The following PCDHGB4 variants were observed in gnomAD, a reference collection of about 807,000 sequenced individuals.
PCDHGB4 encodes protocadherin gamma subfamily B, 4.
Under a neutral mutation model 60.5 loss-of-function variants are expected in PCDHGB4, and 38 were observed. The observed-to-expected ratio is 0.63, with a 90% CI of 0.48 to 0.82. The LOEUF is 0.82. Among genes scored for constraint, PCDHGB4 ranks in the 40% least tolerant of loss-of-function variants. The pLI is 0.00. For missense variants in PCDHGB4, 1,109 were observed against 1,209.6 expected (o/e 0.92, Z 1.23); for synonymous variants, 456 against 509.7 (o/e 0.89, Z 1.42).
chr5:141,399,735 T>A (rs909521642), intron 1 of PCDHGB4: 1 of 1,613,198 alleles, frequency 6.2e-7, no homozygotes, highest in African/African-American at 1.3e-5. Flanking sequence ...AGGGCTCGCC[T>A]GCGCTCAGCG....
chr5:141,455,055 G>T (rs1019622889), intron 1 of PCDHGB4, among the ~76,000 whole-genome samples: 1 of 151,602 alleles, frequency 6.6e-6, no homozygotes, highest in African/African-American at 2.4e-5. Flanking sequence ...CTCGTGATCC[G>T]CCCGCCTCGG....
chr5:141,505,249 G>T, intron 2 of PCDHGB4, 144 bp from the exon 3 acceptor site: 1 of 1,447,748 alleles, frequency 6.9e-7, no homozygotes, highest in Non-Finnish European at 9.2e-7. Flanking sequence ...GATTGTAGAA[G>T]TGCCTCCTAC....
At chr5:141,450,742 C>A (rs2098692216) in intron 1 of PCDHGB4, among the ~76,000 whole-genome samples, 1 of 152,118 alleles carries the variant, frequency 6.6e-6, no homozygotes, top group South Asian at 2.1e-4. Context: ...CCGCCTTGGC[C>A]TCCCAAAGTG....
At position 141,397,472 on chromosome 5, in the gene PCDHGB4, A is replaced by T. The variant is rs548612657; in HGVS notation, c.2397+7191A>T. 6.6e-4 allele frequency among the ~76,000 whole-genome samples: 100 copies of T among 152,362 alleles called. 1 individual carries two copies. Among genetic ancestry groups the T allele is most frequent in the African/African-American group, 2.4e-3 (99 of 41,586 alleles). ...AACACTAGAAATATTGGGGAGTTGG[A>T]AATCATAGAAATGAACAGAAGAATG... On this transcript the variant is annotated intron_variant, in intron 1 of 3. Coordinates refer to ENST00000519479, the MANE Select transcript of PCDHGB4 (RefSeq NM_003736.4).
Position 141,431,264 on chromosome 5 carries a change from A to T in PCDHGB4, c.2397+40983A>T. The T allele has an allele frequency of 6.2e-7, 1 of 1,614,170 alleles. No individual in the cohort carries two copies. On this transcript the variant is annotated intron_variant, in intron 1 of 3. Coordinates refer to ENST00000519479, the MANE Select transcript of PCDHGB4 (RefSeq NM_003736.4). This position sits in a 1 kb window ranked among gnomAD's most constrained non-coding sequence, Gnocchi z 4.8. ...GGATATCGGGAAGAACTCTCTGCAG[A>T]GCTACGAGCTCAGCCCGAACACTCA...
chr5:141,415,747 T>TTTTG, intron 1 of PCDHGB4: 2 of 797,626 alleles, frequency 2.5e-6, no homozygotes, highest in Non-Finnish European at 3.1e-6. Flanking sequence ...AAGGTTTTTT[T>TTTTG]TTTTTTTTTT....
chr5:141,512,712 A>G lies in PCDHGB4; in HGVS notation c.*1539A>G, dbSNP rs1362654237. 1 of 152,806 alleles carries G rather than the reference A, an allele frequency of 6.5e-6. No homozygotes were observed. The highest frequency in any genetic ancestry group is 2.4e-5 in the African/African-American group (1 of 41,414). 9.5% of individuals were successfully genotyped at this position (152,806 alleles called of 1,614,324 possible). On this transcript the variant is annotated 3_prime_UTR_variant, in exon 4 of 4. Coordinates refer to ENST00000519479, the MANE Select transcript of PCDHGB4 (RefSeq NM_003736.4). Reference sequence around the variant, plus strand: ...GTGTAGTGCGGTGTGCTTTTACGTGATGGCGGGTGGGCAGCGGGCGGCGGG... The same window carrying G: ...GTGTAGTGCGGTGTGCTTTTACGTGGTGGCGGGTGGGCAGCGGGCGGCGGG...
intron 1 of PCDHGB4, chr5:141,393,467 C>G (rs1589192441): frequency 6.2e-7 from 1 of 1,614,044 alleles, no homozygotes; most frequent in East Asian, 2.2e-5. Flanking sequence ...CGGATGGCGG[C>G]AAGCCGCCTC....
intron 1 of PCDHGB4, chr5:141,419,325 A>G (rs1490162008): frequency 6.2e-7 from 1 of 1,613,586 alleles, no homozygotes; most frequent in Non-Finnish European, 8.5e-7. Flanking sequence ...CGTGTCTCCT[A>G]CTCTCTCATT....
In PCDHGB4 at chr5:141,485,126, G is replaced by C; in HGVS notation, c.2398-9681G>C. ...TGCTGTGGCTGTTTGGGGCGGGTCG[G>C]CTTCATCCGCGTCTCAGGAGCAAGT... On this transcript the variant is annotated intron_variant, in intron 1 of 3. Transcript: ENST00000519479. The surrounding 1 kb of genome is among the most constrained non-coding windows in gnomAD (Gnocchi z 5.7). 1.4e-6 allele frequency: 2 copies of C among 1,432,378 alleles called. No homozygotes were observed. The highest frequency in any genetic ancestry group is 2.4e-5 in the South Asian group (2 of 81,724). 88.7% of individuals were successfully genotyped at this position (1,432,378 alleles called of 1,614,324 possible). A position where few individuals can be genotyped will look rare whatever the true frequency, so the allele number is the denominator to read the frequency against.
intron 1 of PCDHGB4, chr5:141,395,295 T>G: frequency 1.3e-6 from 2 of 1,525,988 alleles, no homozygotes; most frequent in Middle Eastern, 1.8e-4. Flanking sequence ...TGGCATAAAT[T>G]ATGTTTTGAA....
At chr5:141,402,826 G>A (rs776479870) in intron 1 of PCDHGB4, 37 of 1,328,842 alleles carry the variant, frequency 2.8e-5, no homozygotes, top group Middle Eastern at 2.7e-4. Flanking sequence ...CCTGCTCCCA[G>A]GCTGCAGCAA....
chr5:141,480,402 G>A (rs1268532373), intron 1 of PCDHGB4, among the ~76,000 whole-genome samples: 2 of 145,838 alleles, frequency 1.4e-5, no homozygotes, highest in African/African-American at 2.6e-5. Flanking sequence ...GCAATAGAGT[G>A]AGACCCTGTC....
rs1481171398 is a variant in PCDHGB4 at position 141,455,879 on chromosome 5, ATTT to A, written c.2398-38927_2398-38925del. 3.8e-4 allele frequency among the ~76,000 whole-genome samples: 56 copies of A among 147,786 alleles called. No individual in the cohort carries two copies. In the East Asian group the frequency reaches 8.9e-3, roughly 23 times the overall value. On this transcript the variant is annotated intron_variant, in intron 1 of 3. Coordinates refer to ENST00000519479, the MANE Select transcript of PCDHGB4 (RefSeq NM_003736.4). ...TCTTTTATTATTTATTTATTTATTTATTTATTTATTTATTTATTTATTTATTTA... is the reference window on the plus strand; with the variant it reads ...TCTTTTATTATTTATTTATTTATTTAATTTATTTATTTATTTATTTATTTA...
intron 1 of PCDHGB4, among the ~76,000 whole-genome samples, chr5:141,443,772 C>T (rs1284723564): frequency 6.6e-6 from 1 of 151,568 alleles, no homozygotes; most frequent in Non-Finnish European, 1.5e-5. Context: ...TACAATATTA[C>T]CAAAAAGACA....
At chr5:141,447,642 T>G (rs1275164919) in intron 1 of PCDHGB4, among the ~76,000 whole-genome samples, 2 of 152,166 alleles carry the variant, frequency 1.3e-5, no homozygotes, top group Non-Finnish European at 2.9e-5. Flanking sequence ...TGAATGATGG[T>G]AGAATTTTCC....
chr5:141,432,946 A>G lies in PCDHGB4; in HGVS notation c.2397+42665A>G. 2 of 1,614,130 alleles carry G rather than the reference A, an allele frequency of 1.2e-6. No individual in the cohort carries two copies. The highest frequency in any genetic ancestry group is 1.1e-5 in the South Asian group (1 of 91,080). ...AGTCACGCCTGCTGCAGGCTTCAGG[A>G]GGCGGCTTGACAGGAGCGCCGGCGT... is the stretch of plus-strand genomic sequence containing the variant. On this transcript the variant is annotated intron_variant, in intron 1 of 3. Coordinates refer to ENST00000519479, the MANE Select transcript of PCDHGB4 (RefSeq NM_003736.4). This position sits in a 1 kb window ranked among gnomAD's most constrained non-coding sequence, Gnocchi z 6.0.
chr5:141,394,588 T>C, intron 1 of PCDHGB4: 5 of 1,613,660 alleles, frequency 3.1e-6, no homozygotes, highest in Non-Finnish European at 4.2e-6. Flanking sequence ...ACCAAGGTGG[T>C]GGCGGTGGAC....
intron 2 of PCDHGB4, among the ~76,000 whole-genome samples, chr5:141,504,799 C>A (rs1474096570): frequency 6.6e-6 from 1 of 151,994 alleles, no homozygotes; most frequent in African/African-American, 2.4e-5. Context: ...CCTACATCTC[C>A]CCCTAGGTAC....
Sources: allele counts gnomAD v4.1 joint callset (sites outside exome capture counted in the v4.1 genomes callset), GRCh38; gene constraint gnomAD v4.1.1; non-coding constraint Gnocchi (gnomAD v3.1); transcripts MANE v1.5; gene names NCBI Gene and HGNC (gene_info 2026-07-23, HGNC 2026-07-21).